Variants in SLC4A11 observed in about 807,000 individuals in gnomAD.
SLC4A11 encodes the protein solute carrier family 4 member 11.
SLC4A11 carries 74 observed loss-of-function variants against 95.0 expected under a neutral mutation model. The observed-to-expected ratio is 0.78, with a 90% CI of 0.65 to 0.95. The LOEUF is 0.95. SLC4A11 is among the 40% of genes least tolerant of loss of function. The pLI is 0.00. For missense variants in SLC4A11, 1,081 were observed against 1,192.4 expected (o/e 0.91, Z 1.38); for synonymous variants, 548 against 519.0 (o/e 1.06, Z -0.76).
rs761855363 is a variant in SLC4A11, at chr20:3,234,623, G to A, written c.242-6C>T. ...ACCGGAAGTCGCTTCATTCTCTGCC[G>A]GAGAAAAGCGGGGAGGGCTCAGGGT... On this transcript the variant is annotated splice_polypyrimidine_tract_variant and splice_region_variant and intron_variant, in intron 3 of 19. Transcript: ENST00000642402. This position sits in a 1 kb window ranked among gnomAD's most constrained non-coding sequence, Gnocchi z 5.8. 6.0e-5 allele frequency: 97 copies of A among 1,613,710 alleles called. No homozygotes were observed. In the Admixed American group the frequency reaches 6.7e-4, roughly 11 times the overall value.
intron 2 of SLC4A11, 31 bp downstream of exon 2, chr20:3,237,513 T>C (rs773761140): frequency 3.1e-6 from 5 of 1,610,442 alleles, no homozygotes; most frequent in African/African-American, 2.7e-5. Flanking sequence ...AAGCTCTCTC[T>C]GCACACACAC....
chr20:3,232,429 G>T (rs1351883846), intron 7 of SLC4A11, among the ~76,000 whole-genome samples: 1 of 152,276 alleles, frequency 6.6e-6, no homozygotes, highest in African/African-American at 2.4e-5. Context: ...GCAGGGCATG[G>T]TGGCTCACGC....
chr20:3,229,318 C>T (rs376154803), intron 15 of SLC4A11, 28 bp downstream of exon 15: 26 of 1,613,090 alleles, frequency 1.6e-5, no homozygotes, highest in Middle Eastern at 1.6e-4. Flanking sequence ...AGCTACCCCA[C>T]GTCACCCACC....
At position 3,231,305 on chromosome 20, in the gene SLC4A11, G is replaced by GCC. The variant is rs755808079; in HGVS notation, c.948+23_948+24dup. On this transcript the variant is annotated intron_variant, in intron 8 of 19. Coordinates refer to ENST00000642402, the MANE Select transcript of SLC4A11 (RefSeq NM_001174089.2). The surrounding 1 kb of genome is among the most constrained non-coding windows in gnomAD (Gnocchi z 5.2). ...GCCCATGCCCCCGCCGACCCTGCCG[G>GCC]CCCCCGCCGGCCTCTACCCTGTACC... is the stretch of plus-strand genomic sequence containing the variant. The GCC allele has an allele frequency of 6.2e-7, 1 of 1,613,366 alleles. No homozygotes were observed. Among genetic ancestry groups the GCC allele is most frequent in the African/African-American group, 1.3e-5 (1 of 75,036 alleles).
In SLC4A11 at chr20:3,237,500, G is replaced by C; in HGVS notation, c.88+44C>G. 5 of 1,603,804 alleles carry C rather than the reference G, an allele frequency of 3.1e-6. No individual in the cohort carries two copies. The Middle Eastern group carries it at 6.6e-4, about 212-fold the overall frequency. ...CTATGCACCCTGGAGGCTTTTGCCCGACAAGCTCTCTCTGCACACACACAC... is the reference window on the plus strand; with the variant it reads ...CTATGCACCCTGGAGGCTTTTGCCCCACAAGCTCTCTCTGCACACACACAC... On this transcript the variant is annotated intron_variant, in intron 2 of 19. Transcript: ENST00000642402.
rs188975825 is a variant in SLC4A11 at position 3,231,940 on chromosome 20, G to A, written c.730-392C>T. Among the ~76,000 whole-genome samples, 90 of 152,328 alleles carry A rather than the reference G, an allele frequency of 5.9e-4. No individual in the cohort carries two copies. Among genetic ancestry groups the A allele is most frequent in the African/African-American group, 2.1e-3 (86 of 41,578 alleles). On this transcript the variant is annotated intron_variant, in intron 7 of 19. Transcript: ENST00000642402. The surrounding 1 kb of genome is among the most constrained non-coding windows in gnomAD (Gnocchi z 5.2). ...CCCAAAGTGCTGGGATTACAGGCACGAGCCACTGTGCCCAGATGCTGGTAG... is the reference window on the plus strand; with the variant it reads ...CCCAAAGTGCTGGGATTACAGGCACAAGCCACTGTGCCCAGATGCTGGTAG...
chr20:3,227,631 A>G lies in SLC4A11; in HGVS notation c.*156T>C. 1 of 742,968 alleles carries G rather than the reference A, an allele frequency of 1.3e-6. No individual in the cohort carries two copies. Among genetic ancestry groups the G allele is most frequent in the Non-Finnish European group, 2.3e-6 (1 of 430,680 alleles). 46.0% of individuals were successfully genotyped at this position (742,968 alleles called of 1,614,324 possible). On this transcript the variant is annotated 3_prime_UTR_variant, in exon 20 of 20. Coordinates refer to ENST00000642402, the MANE Select transcript of SLC4A11 (RefSeq NM_001174089.2). ...GAGAGGGGTGGGCACATACCACTGC[A>G]CCCCTACAATGCCCAGATGCCCCAG...
chr20:3,231,303 C>T lies in SLC4A11; in HGVS notation c.948+27G>A, dbSNP rs758097071. The T allele has an allele frequency of 1.9e-5, 30 of 1,613,200 alleles. No homozygotes were observed. In the Middle Eastern group the frequency reaches 6.6e-4, roughly 35 times the overall value. ...CGGCCCATGCCCCCGCCGACCCTGC[C>T]GGCCCCCGCCGGCCTCTACCCTGTA... On this transcript the variant is annotated intron_variant, in intron 8 of 19. Transcript: ENST00000642402. The surrounding 1 kb of genome is among the most constrained non-coding windows in gnomAD (Gnocchi z 5.2).
At chr20:3,239,311 G>A (rs889483818), upstream of SLC4A11, 2 of 1,159,232 alleles carry the variant, frequency 1.7e-6, no homozygotes, top group Non-Finnish European at 2.1e-6. Context: ...CAGAGCTGCC[G>A]AGGGCTGGGA....
chr20:3,239,061 C>A (rs1231272978), intron 1 of SLC4A11, 34 bp downstream of exon 1: 1 of 1,470,842 alleles, frequency 6.8e-7, no homozygotes, highest in East Asian at 3.0e-5. Flanking sequence ...ACCCGGGCGG[C>A]CTTCCCGCCG....
chr20:3,237,756 G>T (rs928352738), intron 1 of SLC4A11, 168 bp from the exon 2 acceptor site: 1 of 1,613,020 alleles, frequency 6.2e-7, no homozygotes, highest in Non-Finnish European at 8.5e-7. Flanking sequence ...TCGGGAGGGG[G>T]CCCCATAGCA....
Position 3,229,141 on chromosome 20 carries a change from TGAA to T in SLC4A11, c.1969_1971del (p.Phe657del). 6.3e-7 allele frequency: 1 copy of T among 1,591,790 alleles called. No homozygotes were observed. Among genetic ancestry groups the T allele is most frequent in the East Asian group, 2.3e-5 (1 of 43,278 alleles). On this transcript the variant is annotated inframe_deletion, in exon 16 of 20. Transcript: ENST00000642402. ...AAGGCGGCCACCAAGTTCTGCTCGA[TGAA>T]GAAGAGCATGGACAGCAGGAAGCCG...
chr20:3,232,619 G>A (rs1161751825), intron 7 of SLC4A11, among the ~76,000 whole-genome samples: 3 of 152,148 alleles, frequency 2.0e-5, no homozygotes, highest in African/African-American at 7.2e-5. Flanking sequence ...AGGCTGAGGC[G>A]GGAGAATCGC....
chr20:3,230,139 A>G, intron 13 of SLC4A11, 48 bp downstream of exon 13: 1 of 1,603,682 alleles, frequency 6.2e-7, no homozygotes. Flanking sequence ...AGAACCTCCC[A>G]TCTCGGCTGA....
At chr20:3,236,582 CAAAACAAAACAAAACAAA>C (rs1371033744) in intron 2 of SLC4A11, among the ~76,000 whole-genome samples, 1 of 20,044 alleles carries the variant, frequency 5.0e-5, no homozygotes, top group Non-Finnish European at 8.6e-5. Context: ...GAGCGAGACT[CAAAACAAAACAAAACAAA>C]ACAAAACAAA....
chr20:3,234,032 G>C lies in SLC4A11; in HGVS notation c.524-30C>G. The C allele has an allele frequency of 6.2e-7, 1 of 1,613,326 alleles. No individual in the cohort carries two copies. The highest frequency in any genetic ancestry group is 1.7e-5 in the Admixed American group (1 of 60,030). ...GGAAAGAGTGAGGGGGAGGGTGGTG[G>C]GTCAACAGCCCCTCCCAACGCCCCC... On this transcript the variant is annotated intron_variant, in intron 5 of 19. Transcript: ENST00000642402. The surrounding 1 kb of genome is among the most constrained non-coding windows in gnomAD (Gnocchi z 5.8).
chr20:3,233,712 G>T (rs904672677), intron 6 of SLC4A11, 75 bp from the exon 7 acceptor site: 2 of 1,597,574 alleles, frequency 1.3e-6, no homozygotes, highest in Non-Finnish European at 1.7e-6. Context: ...GAACCCCCTC[G>T]ACCTTGACCC....
rs7262506 is a variant in SLC4A11, at chr20:3,228,426, A to C, written c.2391T>G (p.Thr797=). 2.0e-3 allele frequency: 3,168 copies of C among 1,613,122 alleles called. 44 individuals are homozygous for C. In the African/African-American group the frequency reaches 0.027, roughly 14 times the overall value. Residue 797 remains threonine, a splice_region_variant and synonymous_variant, in exon 19 of 20, where the codon ACT becomes ACG. Coordinates refer to ENST00000642402, the MANE Select transcript of SLC4A11 (RefSeq NM_001174089.2). ...QRVALLLKEQ[T]AYPPTHYIRR... The stretch of plus-strand genomic sequence containing the variant: ...GGATGTAGTGTGTCGGGGGGTACGC[A>C]GTCTGTGGGCGGCAGGGACCGGGTG...
intron 12 of SLC4A11, 103 bp from the exon 13 acceptor site, chr20:3,230,363 A>T (rs1052060698): frequency 1.9e-6 from 3 of 1,576,792 alleles, no homozygotes; most frequent in Non-Finnish European, 1.7e-6. Flanking sequence ...CCCTGCCAGG[A>T]AGAAGGCCAG....
Sources: allele counts gnomAD v4.1 joint callset (sites outside exome capture counted in the v4.1 genomes callset), GRCh38; gene constraint gnomAD v4.1.1; non-coding constraint Gnocchi (gnomAD v3.1); transcripts MANE v1.5; gene names NCBI Gene and HGNC (gene_info 2026-07-23, HGNC 2026-07-21).